The following EPB41L2 variants were observed in gnomAD, a reference collection of about 807,000 sequenced individuals.
EPB41L2 encodes band 4.1-like protein 2.
A neutral mutation model predicts 113.0 loss-of-function variants in EPB41L2; 43 were observed. The observed-to-expected ratio is 0.38, with a 90% confidence interval of 0.30 to 0.49. The LOEUF (loss-of-function observed/expected upper bound fraction) is 0.49, where lower values mean the gene tolerates loss of function less well. Ranked by LOEUF, EPB41L2 falls within the 20% of genes least tolerant of loss-of-function variation. The pLI, the probability that EPB41L2 is intolerant of heterozygous loss-of-function variation, is 0.95. For synonymous variants in EPB41L2, 442 were observed against 436.7 expected (o/e 1.01, Z -0.15); for missense variants, 1,147 against 1,223.4 (o/e 0.94, Z 0.93).
chr6:130,866,559 T>C (rs886760636), intron 16 of EPB41L2, among the ~76,000 whole-genome samples: 1 of 152,248 alleles, frequency 6.6e-6, no homozygotes, highest in African/African-American at 2.4e-5. Context: ...TTTGTGCTTA[T>C]GTGGGATCAA....
At chr6:131,007,584 T>A (rs1244506218) in intron 1 of EPB41L2, among the ~76,000 whole-genome samples, 2 of 152,108 alleles carry the variant, frequency 1.3e-5, no homozygotes, top group Non-Finnish European at 2.9e-5. Flanking sequence ...TGTGAGAAAG[T>A]CTGGAACCTC....
chr6:130,955,076 G>A, intron 3 of EPB41L2, 29 bp downstream of exon 3: 1 of 1,591,700 alleles, frequency 6.3e-7, no homozygotes, highest in South Asian at 1.1e-5. Flanking sequence ...CACATATCAA[G>A]CTAGCTCTCA....
intron 1 of EPB41L2, among the ~76,000 whole-genome samples, chr6:130,990,915 C>A (rs1370669436): frequency 6.6e-6 from 1 of 151,766 alleles, no homozygotes; most frequent in Non-Finnish European, 1.5e-5. Flanking sequence ...CAACCTCCAC[C>A]TCCAGGGTTC....
chr6:130,976,112 G>T (rs889874402), intron 1 of EPB41L2, among the ~76,000 whole-genome samples: 3 of 152,134 alleles, frequency 2.0e-5, no homozygotes, highest in Admixed American at 6.5e-5. Flanking sequence ...CAATCGTCAT[G>T]CAAGATTACT....
intron 3 of EPB41L2, among the ~76,000 whole-genome samples, chr6:130,931,301 TA>T (rs1806761601): frequency 2.0e-5 from 3 of 152,254 alleles, no homozygotes; most frequent in Admixed American, 6.5e-5. Context: ...TAACACGCAT[TA>T]TTTTTTTAAA....
chr6:131,012,051 A>C (rs1024551829), intron 1 of EPB41L2, among the ~76,000 whole-genome samples: 3 of 152,064 alleles, frequency 2.0e-5, no homozygotes, highest in African/African-American at 7.2e-5. Flanking sequence ...CTAAAAATAC[A>C]AAAATTAGCT....
chr6:130,982,148 C>T (rs564958081), intron 1 of EPB41L2, among the ~76,000 whole-genome samples: 23 of 150,802 alleles, frequency 1.5e-4, no homozygotes, highest in Middle Eastern at 3.5e-3. Flanking sequence ...GGAATAACTC[C>T]GAAACAAGAA....
intron 1 of EPB41L2, among the ~76,000 whole-genome samples, chr6:131,016,328 C>G (rs987041136): frequency 2.7e-4 from 41 of 151,986 alleles, no homozygotes; most frequent in Admixed American, 1.6e-3. Context: ...AACTGAAAAC[C>G]AATTTCAGCA....
intron 1 of EPB41L2, among the ~76,000 whole-genome samples, chr6:130,998,160 C>T (rs1783577383): frequency 6.6e-6 from 1 of 152,186 alleles, no homozygotes; most frequent in African/African-American, 2.4e-5. Context: ...AGAGATATAA[C>T]ATAGCTCAGC....
At chr6:131,017,968 C>T (rs952631338) in intron 1 of EPB41L2, among the ~76,000 whole-genome samples, 2 of 152,084 alleles carry the variant, frequency 1.3e-5, no homozygotes, top group African/African-American at 4.8e-5. Flanking sequence ...GGTTATCTGC[C>T]TTTTTCTTAT....
chr6:131,037,821 T>G (rs565747507), intron 1 of EPB41L2, among the ~76,000 whole-genome samples: 1 of 152,184 alleles, frequency 6.6e-6, no homozygotes, highest in South Asian at 2.1e-4. Flanking sequence ...ACTCTTGAGC[T>G]CAAGTGATTT....
intron 12 of EPB41L2, chr6:130,881,199 C>CTAT (rs1251943821): frequency 6.6e-6 from 1 of 152,124 alleles, no homozygotes; most frequent in African/African-American, 2.4e-5. Context: ...TTATCAAAGG[C>CTAT]AAATCATTTA....
chr6:130,959,518 C>G (rs1006655), intron 1 of EPB41L2, among the ~76,000 whole-genome samples: 1 of 152,096 alleles, frequency 6.6e-6, no homozygotes, highest in African/African-American at 2.4e-5. Flanking sequence ...AGTAATATCC[C>G]TGACAGCAAT....
At chr6:130,974,681 T>G (rs944341935) in intron 1 of EPB41L2, among the ~76,000 whole-genome samples, 3 of 150,750 alleles carry the variant, frequency 2.0e-5, no homozygotes, top group African/African-American at 7.3e-5. Flanking sequence ...GCCAATAGAC[T>G]TTTCCACTAA....
chr6:130,982,630 G>T (rs1779636022), intron 1 of EPB41L2, among the ~76,000 whole-genome samples: 1 of 152,190 alleles, frequency 6.6e-6, no homozygotes, highest in Non-Finnish European at 1.5e-5. Flanking sequence ...CAAGAATTAT[G>T]CAACGTTCTC....
intron 18 of EPB41L2, among the ~76,000 whole-genome samples, chr6:130,861,884 A>AG: frequency 6.6e-6 from 1 of 151,752 alleles, no homozygotes; most frequent in East Asian, 1.9e-4. Flanking sequence ...CAAAAAAAAA[A>AG]AAAAAGTTTA....
At chr6:130,968,033 C>T (rs879585747) in intron 1 of EPB41L2, among the ~76,000 whole-genome samples, 7 of 152,180 alleles carry the variant, frequency 4.6e-5, no homozygotes, top group African/African-American at 1.7e-4. Context: ...AAGCTCACCC[C>T]ACAACTATCT....
chr6:131,021,376 C>G (rs1789439200), intron 1 of EPB41L2, among the ~76,000 whole-genome samples: 1 of 152,148 alleles, frequency 6.6e-6, no homozygotes, highest in Non-Finnish European at 1.5e-5. Flanking sequence ...CTGGCCAAAA[C>G]CTCCCAGTTG....
rs1780821774 is a variant in EPB41L2, at chr6:130,858,007, T to C, written c.*5+124A>G. 3.9e-6 allele frequency: 3 copies of C among 768,010 alleles called. No homozygotes were observed. The East Asian group carries it at 7.9e-5, about 20-fold the overall frequency. The allele number at this position is 768,010 out of a possible 1,614,324, so 47.6% of individuals were successfully genotyped here. On this transcript the variant is annotated intron_variant, in intron 19 of 19. Transcript: ENST00000337057. ...CAGATGCACCTGGGGATGATAACAG[T>C]CTAGAAAGTCAAATGTACTATAGGA...
Sources: allele counts gnomAD v4.1 joint callset (sites outside exome capture counted in the v4.1 genomes callset), GRCh38; gene constraint gnomAD v4.1.1; transcripts MANE v1.5; gene names NCBI Gene and HGNC (gene_info 2026-07-23, HGNC 2026-07-21).